The following TENM1 variants were observed in gnomAD, a reference collection of about 807,000 sequenced individuals.
TENM1 encodes teneurin transmembrane protein 1, also known as teneurin-1.
Under a neutral mutation model 174.8 loss-of-function variants are expected in TENM1, and 35 were observed. That is an observed-to-expected ratio of 0.20 (90% confidence interval 0.15 to 0.27). TENM1 has a LOEUF of 0.27. Among genes scored for constraint, TENM1 ranks in the 10% least tolerant of loss-of-function variants. The pLI, the probability that TENM1 is intolerant of heterozygous loss-of-function variation, is 1.00. For missense variants in TENM1, 1,633 were observed against 2,130.1 expected (o/e 0.77, Z 4.59); for synonymous variants, 781 against 798.7 (o/e 0.98, Z 0.37).
At chrX:124,932,415 C>T (rs765333284) in intron 1 of TENM1, among the ~76,000 whole-genome samples, 4 of 112,121 alleles carry the variant, frequency 3.6e-5, no homozygotes, top group Non-Finnish European at 5.6e-5. Flanking sequence ...GACCTCTATA[C>T]CAATACAATT....
chrX:124,492,996 A>G (rs2047106275), intron 20 of TENM1, among the ~76,000 whole-genome samples: 2 of 111,033 alleles, frequency 1.8e-5, no homozygotes, highest in Admixed American at 1.9e-4. Context: ...TCAACTCAGA[A>G]AAGCCGGCTA....
intron 14 of TENM1, among the ~76,000 whole-genome samples, chrX:124,560,867 G>A (rs1329506546): frequency 9.0e-6 from 1 of 111,527 alleles, no homozygotes; most frequent in Non-Finnish European, 1.9e-5. Flanking sequence ...AAGGTATGTG[G>A]AAAGTGAGGA....
At chrX:125,116,797 G>A in the TENM1 span, among the ~76,000 whole-genome samples, 1 of 111,529 alleles carries the variant, frequency 9.0e-6, no homozygotes, top group Non-Finnish European at 1.9e-5. Flanking sequence ...GGATCTCGAG[G>A]TCAGGAGTTC....
At chrX:125,114,272 G>A in the TENM1 span, among the ~76,000 whole-genome samples, 2 of 111,489 alleles carry the variant, frequency 1.8e-5, no homozygotes, top group African/African-American at 3.3e-5. Flanking sequence ...GTGTTTAGAG[G>A]GAAATTTACA....
At chrX:124,769,244 T>C (rs1266909859) in intron 3 of TENM1, among the ~76,000 whole-genome samples, 1 of 111,968 alleles carries the variant, frequency 8.9e-6, no homozygotes, top group East Asian at 2.8e-4. Context: ...TCTAGAATTG[T>C]TTCACCATGA....
chrX:124,708,236 A>G (rs985372598), intron 4 of TENM1, among the ~76,000 whole-genome samples: 1 of 111,658 alleles, frequency 9.0e-6, no homozygotes, highest in Non-Finnish European at 1.9e-5. Context: ...ACAAAAGCAT[A>G]TGTATTTAAA....
At chrX:124,906,915 G>A (rs2057757412) in intron 1 of TENM1, among the ~76,000 whole-genome samples, 1 of 111,208 alleles carries the variant, frequency 9.0e-6, no homozygotes, top group African/African-American at 3.3e-5. Context: ...GGACTGGGGT[G>A]TGTGGGGAGT....
the TENM1 span, among the ~76,000 whole-genome samples, chrX:125,058,489 G>T: frequency 9.0e-6 from 1 of 111,412 alleles, no homozygotes; most frequent in African/African-American, 3.3e-5. Context: ...ATATATTTTT[G>T]CACTGTCTTG....
intron 3 of TENM1, among the ~76,000 whole-genome samples, chrX:124,816,963 C>A (rs1040699815): frequency 9.1e-6 from 1 of 110,038 alleles, no homozygotes; most frequent in Admixed American, 9.7e-5. Flanking sequence ...TAGGTATATA[C>A]GTGCCATGGT....
intron 11 of TENM1, among the ~76,000 whole-genome samples, chrX:124,631,882 C>A (rs1400197264): frequency 1.3e-5 from 1 of 79,277 alleles, no homozygotes; most frequent in Non-Finnish European, 2.3e-5. Flanking sequence ...GTATGAGACT[C>A]TGTCTCAAAA....
intron 6 of TENM1, among the ~76,000 whole-genome samples, chrX:124,654,947 A>G (rs2051403225): frequency 8.9e-6 from 1 of 112,098 alleles, no homozygotes; most frequent in Non-Finnish European, 1.9e-5. Context: ...TTTCATGTGA[A>G]TGGAAAGAAG....
the TENM1 span, among the ~76,000 whole-genome samples, chrX:125,201,903 T>A: frequency 8.9e-6 from 1 of 111,812 alleles, no homozygotes; most frequent in Admixed American, 9.5e-5. Context: ...TCCAGTTATG[T>A]ACTTTGAGGG....
chrX:124,932,310 T>C (rs1038180637), intron 1 of TENM1, among the ~76,000 whole-genome samples: 1 of 112,359 alleles, frequency 8.9e-6, no homozygotes, highest in African/African-American at 3.2e-5. Context: ...GAATTTTAAA[T>C]GTAATTCATG....
At chrX:125,191,097 A>G in the TENM1 span, among the ~76,000 whole-genome samples, 1 of 111,540 alleles carries the variant, frequency 9.0e-6, no homozygotes, top group Non-Finnish European at 1.9e-5. Context: ...CATATTTTCT[A>G]TTATCACAAA....
chrX:124,411,276 T>C (rs143618475), intron 25 of TENM1, among the ~76,000 whole-genome samples: 2 of 111,913 alleles, frequency 1.8e-5, no homozygotes, highest in African/African-American at 6.5e-5. Context: ...AAGACTGTAA[T>C]TACCCAGATA....
At chrX:124,517,490 G>T (rs1031796375) in intron 18 of TENM1, among the ~76,000 whole-genome samples, 12 of 109,232 alleles carry the variant, frequency 1.1e-4, no homozygotes, top group African/African-American at 4.0e-4. Context: ...CCATAAAAAA[G>T]GATGAGTTCA....
intron 3 of TENM1, among the ~76,000 whole-genome samples, chrX:124,857,763 TA>T (rs1226039905): frequency 3.7e-3 from 392 of 105,201 alleles, no homozygotes; most frequent in South Asian, 0.013. Context: ...ATAAAGCTGT[TA>T]AAAAAAAAAC....
chrX:124,858,901 C>T (rs925994874), intron 3 of TENM1, among the ~76,000 whole-genome samples: 1 of 110,188 alleles, frequency 9.1e-6, no homozygotes, highest in Non-Finnish European at 1.9e-5. Flanking sequence ...ATGGCTTGTT[C>T]TATAGATGAT....
chrX:125,133,790 A>G, the TENM1 span, among the ~76,000 whole-genome samples: 24 of 111,856 alleles, frequency 2.1e-4, no homozygotes, highest in East Asian at 6.8e-3. Flanking sequence ...CCAGAAAAAT[A>G]AATAAATAAA....
Sources: gnomAD v4.1 joint callset for allele counts (sites outside exome capture counted in the v4.1 genomes callset) on GRCh38, gnomAD v4.1.1 for gene constraint, MANE v1.5 for transcripts, NCBI Gene and HGNC (gene_info 2026-07-23, HGNC 2026-07-21) for gene names.